PLEKHG1: variants seen among roughly 807,000 people sequenced by gnomAD.
PLEKHG1 encodes the protein pleckstrin homology domain-containing family G member 1.
Under a neutral mutation model 100.8 loss-of-function variants are expected in PLEKHG1, and 44 were observed. The ratio of observed to expected loss-of-function variants is 0.44; its 90% confidence interval spans 0.34 to 0.56. The LOEUF is 0.56. PLEKHG1 is among the 20% of genes least tolerant of loss of function. The pLI is 0.01. For synonymous variants in PLEKHG1, 640 were observed against 662.5 expected (o/e 0.97, Z 0.52); for missense variants, 1,545 against 1,720.9 (o/e 0.90, Z 1.81).
intron 1 of PLEKHG1, among the ~76,000 whole-genome samples, chr6:150,722,349 C>CTTTTTTTTTT (rs139069069): frequency 2.8e-4 from 25 of 90,650 alleles, no homozygotes; most frequent in Non-Finnish European, 3.2e-4. Context: ...TTTTTCTTTT[C>CTTTTTTTTTT]TTTTTTTTTT....
At chr6:150,791,676 G>GA (rs34212457) in intron 4 of PLEKHG1, among the ~76,000 whole-genome samples, 33,808 of 103,730 alleles carry the variant, frequency 0.33, 4,113 homozygotes, top group East Asian at 0.43. Flanking sequence ...TCTCAAAAAA[G>GA]AAAAAAAAAA....
intron 3 of PLEKHG1, among the ~76,000 whole-genome samples, chr6:150,714,334 A>T (rs1320111562): frequency 6.6e-6 from 1 of 152,258 alleles, no homozygotes; most frequent in Non-Finnish European, 1.5e-5. Flanking sequence ...AAGTATCCTA[A>T]TCAAAGAAAG....
At chr6:150,804,485 G>A in intron 6 of PLEKHG1, 125 bp from the exon 8 acceptor site, 1 of 766,694 alleles carries the variant, frequency 1.3e-6, no homozygotes, top group Non-Finnish European at 2.0e-6. Flanking sequence ...GCACCCAGCT[G>A]ATAGTGTGTA....
At chr6:150,830,853 C>G in exon 15 of PLEKHG1, 1 of 1,614,214 alleles carries the variant, frequency 6.2e-7, no homozygotes, top group Non-Finnish European at 8.5e-7. Flanking sequence ...GAAGATAGCA[C>G]TTCTAGTCGC....
intron 1 of PLEKHG1, among the ~76,000 whole-genome samples, chr6:150,602,535 T>C (rs1776396957): frequency 1.3e-5 from 2 of 152,236 alleles, no homozygotes. Flanking sequence ...TCATAGTTGG[T>C]GTCTCTCGGT....
intron 11 of PLEKHG1, among the ~76,000 whole-genome samples, chr6:150,818,532 C>T (rs1776116368): frequency 6.6e-6 from 1 of 152,196 alleles, no homozygotes; most frequent in African/African-American, 2.4e-5. Context: ...CACCAAAAAC[C>T]AGAGCTTAAC....
intron 10 of PLEKHG1, among the ~76,000 whole-genome samples, chr6:150,811,546 A>G (rs2128671249): frequency 6.6e-6 from 1 of 152,176 alleles, no homozygotes; most frequent in Non-Finnish European, 1.5e-5. Context: ...TGTTGGGATG[A>G]CAGGCATGAG....
chr6:150,715,473 C>T (rs1410801286), intron 3 of PLEKHG1, among the ~76,000 whole-genome samples: 1 of 138,432 alleles, frequency 7.2e-6, no homozygotes, highest in African/African-American at 2.8e-5. Flanking sequence ...ACGTTCATCA[C>T]TATTTTTTTT....
chr6:150,784,794 A>G (rs1374316908), intron 3 of PLEKHG1, among the ~76,000 whole-genome samples: 1 of 152,246 alleles, frequency 6.6e-6, no homozygotes, highest in African/African-American at 2.4e-5. Context: ...TTTTAACTCC[A>G]GGGAAAACAT....
intron 10 of PLEKHG1, among the ~76,000 whole-genome samples, chr6:150,814,806 C>T (rs1464385456): frequency 6.6e-6 from 1 of 152,194 alleles, no homozygotes; most frequent in Admixed American, 6.5e-5. Flanking sequence ...CTGCCACCTC[C>T]ACCTTCTGGG....
At chr6:150,794,304 A>C (rs1010538582) in intron 4 of PLEKHG1, among the ~76,000 whole-genome samples, 1 of 152,154 alleles carries the variant, frequency 6.6e-6, no homozygotes, top group Admixed American at 6.5e-5. Flanking sequence ...AGGAAATATG[A>C]ATAGTGACTG....
At chr6:150,757,035 G>T (rs558862716) in intron 2 of PLEKHG1, among the ~76,000 whole-genome samples, 1 of 152,170 alleles carries the variant, frequency 6.6e-6, no homozygotes. Flanking sequence ...TTAAGATGGA[G>T]TCTCGCTCTG....
chr6:150,616,763 G>C (rs9480498), intron 1 of PLEKHG1, among the ~76,000 whole-genome samples: 42,855 of 152,148 alleles, frequency 0.28, 6,293 homozygotes, highest in Non-Finnish European at 0.34. Context: ...ACCCTGAAAA[G>C]TAATATGCAC....
intron 14 of PLEKHG1, among the ~76,000 whole-genome samples, chr6:150,827,480 T>C (rs184073123): frequency 5.3e-5 from 8 of 152,156 alleles, no homozygotes; most frequent in Admixed American, 1.3e-4. Flanking sequence ...TTCTTCATGT[T>C]GGTCAGGCTG....
chr6:150,825,803 C>A (rs781060565), intron 14 of PLEKHG1, among the ~76,000 whole-genome samples: 2 of 152,146 alleles, frequency 1.3e-5, no homozygotes, highest in Non-Finnish European at 2.9e-5. Flanking sequence ...ATTTACAGAA[C>A]TGTTAAAAAG....
chr6:150,823,729 T>C, intron 14 of PLEKHG1, 53 bp downstream of exon 15: 3 of 1,327,050 alleles, frequency 2.3e-6, no homozygotes, highest in South Asian at 1.2e-5. Context: ...GCACCTTTCA[T>C]AGGTGTCCCT....
At chr6:150,739,347 A>G (rs570264474) in intron 2 of PLEKHG1, among the ~76,000 whole-genome samples, 1 of 152,232 alleles carries the variant, frequency 6.6e-6, no homozygotes, top group South Asian at 2.1e-4. Flanking sequence ...ATGGACCTTT[A>G]TCCATAAAGT....
Position 150,666,762 on chromosome 6 carries a change from A to ATT in PLEKHG1, c.-99+15991_-99+15992dup, listed in dbSNP as rs556659789. Among the ~76,000 whole-genome samples the ATT allele has an allele frequency of 6.3e-5, 9 of 143,096 alleles. No homozygotes were observed. In the South Asian group the frequency reaches 6.8e-4, roughly 11 times the overall value. The allele number at this position is 143,096 out of a possible 152,430, so 93.9% of individuals were successfully genotyped here. A position where few individuals can be genotyped will look rare whatever the true frequency, so the allele number is the denominator to read the frequency against. ...TGCCATCATACCAGCTGCATTGATA[A>ATT]TTTTTTTTTTTTTTTTGAGATGGAG... is the stretch of plus-strand genomic sequence containing the variant. On this transcript the variant is annotated intron_variant, in intron 3 of 3. Coordinates refer to the PLEKHG1 transcript ENST00000367326.
At chr6:150,815,283 T>G (rs777700988) in intron 10 of PLEKHG1, among the ~76,000 whole-genome samples, 8 of 152,132 alleles carry the variant, frequency 5.3e-5, no homozygotes, top group Non-Finnish European at 1.0e-4. Flanking sequence ...CCAGCTGCCT[T>G]CCGTTCTTTT....
Sources: allele counts gnomAD v4.1 joint callset (sites outside exome capture counted in the v4.1 genomes callset), GRCh38; gene constraint gnomAD v4.1.1; transcripts MANE v1.5; gene names NCBI Gene and HGNC (gene_info 2026-07-23, HGNC 2026-07-21).